PCDH15: variants seen among roughly 807,000 people sequenced by gnomAD.
PCDH15 encodes protocadherin related 15, also known as protocadherin-15.
Under a neutral mutation model 178.5 loss-of-function variants are expected in PCDH15, and 129 were observed. The observed-to-expected ratio is 0.72, with a 90% CI of 0.63 to 0.84. PCDH15 has a LOEUF of 0.84. Among genes scored for constraint, PCDH15 ranks in the 40% least tolerant of loss-of-function variants. The probability of loss-of-function intolerance (pLI) is 0.00; values close to 1 mark genes in which losing one functional copy is unlikely to be tolerated. For synonymous variants in PCDH15, 800 were observed against 732.0 expected, an observed-to-expected ratio of 1.09 and a Z score of -1.50; for missense variants, 2,230 against 2,099.9, an observed-to-expected ratio of 1.06 and a Z score of -1.21.
chr10:54,461,253 T>TTGTA (rs2077147833), intron 3 of PCDH15, among the ~76,000 whole-genome samples: 1 of 152,162 alleles, frequency 6.6e-6, no homozygotes, highest in Non-Finnish European at 1.5e-5. Flanking sequence ...ATTTGTGCTA[T>TTGTA]TGTAGCATTA....
At chr10:54,479,827 A>G (rs1474145680) in intron 3 of PCDH15, among the ~76,000 whole-genome samples, 1 of 152,080 alleles carries the variant, frequency 6.6e-6, no homozygotes, top group African/African-American at 2.4e-5. Flanking sequence ...TTTTCTTACA[A>G]CTGTGAGTGT....
At chr10:53,860,130 G>C (rs897938300) in intron 27 of PCDH15, among the ~76,000 whole-genome samples, 1 of 152,158 alleles carries the variant, frequency 6.6e-6, no homozygotes, top group Non-Finnish European at 1.5e-5. Flanking sequence ...CTCTAGACCT[G>C]ATAAAAAGAA....
chr10:54,752,331 G>C (rs1023076417), intron 1 of PCDH15, among the ~76,000 whole-genome samples: 1 of 151,548 alleles, frequency 6.6e-6, no homozygotes, highest in Non-Finnish European at 1.5e-5. Context: ...CAAAAAATTA[G>C]CCGGGCGTGG....
intron 5 of PCDH15, among the ~76,000 whole-genome samples, chr10:54,347,440 T>G (rs1360673874): frequency 1.3e-5 from 2 of 152,162 alleles, no homozygotes; most frequent in African/African-American, 4.8e-5. Flanking sequence ...CTAAATGCAC[T>G]TCATCAATAA....
chr10:55,362,722 A>T (rs1003513087), intron 2 of PCDH15, among the ~76,000 whole-genome samples: 1 of 150,730 alleles, frequency 6.6e-6, no homozygotes, highest in Non-Finnish European at 1.5e-5. Flanking sequence ...GATTCATGTG[A>T]TTACCACCAC....
intron 2 of PCDH15, among the ~76,000 whole-genome samples, chr10:54,915,052 A>G (rs1180848115): frequency 6.6e-6 from 1 of 152,242 alleles, no homozygotes; most frequent in Admixed American, 6.5e-5. Context: ...ATCAAATTAT[A>G]CAAAACAAAA....
chr10:54,849,445 G>A (rs1194454409), intron 3 of PCDH15, among the ~76,000 whole-genome samples: 1 of 151,980 alleles, frequency 6.6e-6, no homozygotes, highest in Non-Finnish European at 1.5e-5. Flanking sequence ...TTTAATTTAG[G>A]CCATTTTTCA....
chr10:55,332,886 A>C (rs2132312202), intron 2 of PCDH15, among the ~76,000 whole-genome samples: 1 of 152,234 alleles, frequency 6.6e-6, no homozygotes, highest in Admixed American at 6.6e-5. Context: ...CTTCTTTATA[A>C]ATTACCCTGA....
intron 2 of PCDH15, among the ~76,000 whole-genome samples, chr10:55,590,714 G>A (rs1051079883): frequency 1.3e-5 from 2 of 152,072 alleles, no homozygotes; most frequent in African/African-American, 4.8e-5. Flanking sequence ...ACTCTCTAGT[G>A]TTGTCTGACA....
intron 2 of PCDH15, among the ~76,000 whole-genome samples, chr10:54,923,147 C>T (rs1448816624): frequency 7.2e-6 from 1 of 138,472 alleles, no homozygotes; most frequent in South Asian, 2.3e-4. Context: ...GGATTGTACC[C>T]TCTGAAGCAA....
chr10:54,642,460 C>T (rs2094013747), intron 2 of PCDH15, among the ~76,000 whole-genome samples: 1 of 152,160 alleles, frequency 6.6e-6, no homozygotes, highest in Admixed American at 6.6e-5. Flanking sequence ...ATATTATTCC[C>T]TCCATTTAGA....
rs183397761 is a variant in PCDH15 at position 55,503,455 on chromosome 10, G to T, written c.-156+124170C>A. The stretch of plus-strand genomic sequence containing the variant: ...ATGGAATGTTTATTTTGATGTGATG[G>T]AATCTTTATTTATTTTATGTTGATA... On this transcript the variant is annotated intron_variant, in intron 2 of 5. Transcript: ENST00000613346. Among the ~76,000 whole-genome samples, 496 of 149,432 alleles carry T rather than the reference G, an allele frequency of 3.3e-3. 5 individuals are homozygous for T. Among genetic ancestry groups the T allele is most frequent in the Middle Eastern group, 3.6e-3 (1 of 278 alleles).
intron 1 of PCDH15, among the ~76,000 whole-genome samples, chr10:54,744,591 G>A (rs1356292858): frequency 2.6e-5 from 4 of 152,030 alleles, no homozygotes; most frequent in East Asian, 3.9e-4. Context: ...AAAAATTAGA[G>A]TATCGCTGAA....
intron 10 of PCDH15, among the ~76,000 whole-genome samples, chr10:54,196,630 A>G (rs998698535): frequency 2.6e-5 from 4 of 152,298 alleles, no homozygotes; most frequent in African/African-American, 9.6e-5. Flanking sequence ...TTTTACACTA[A>G]TGTTTAAATC....
intron 8 of PCDH15, among the ~76,000 whole-genome samples, chr10:54,287,854 TG>T (rs1432716390): frequency 6.6e-6 from 1 of 152,162 alleles, no homozygotes; most frequent in Non-Finnish European, 1.5e-5. Context: ...CAATCATGAT[TG>T]GGGTGGCATA....
At chr10:53,969,848 C>A (rs912678615) in intron 21 of PCDH15, among the ~76,000 whole-genome samples, 1 of 152,088 alleles carries the variant, frequency 6.6e-6, no homozygotes, top group African/African-American at 2.4e-5. Flanking sequence ...TACAAGAGCT[C>A]CTAAAAGGAA....
At chr10:54,518,328 G>A (rs574207079) in intron 3 of PCDH15, among the ~76,000 whole-genome samples, 3,346 of 151,394 alleles carry the variant, frequency 0.022, 123 homozygotes, top group African/African-American at 0.076. Flanking sequence ...GACTAATAAA[G>A]AAAAAAAGAG....
At chr10:54,548,891 T>G (rs1434808061) in intron 2 of PCDH15, among the ~76,000 whole-genome samples, 1 of 151,204 alleles carries the variant, frequency 6.6e-6, no homozygotes, top group Admixed American at 6.6e-5. Flanking sequence ...TAATTGCTAG[T>G]GCTAGAATTT....
intron 1 of PCDH15, among the ~76,000 whole-genome samples, chr10:54,693,661 C>T (rs928430497): frequency 2.0e-5 from 3 of 152,080 alleles, no homozygotes; most frequent in Non-Finnish European, 4.4e-5. Flanking sequence ...ACACCTTTCC[C>T]TGAAGAAGAA....
Sources: gnomAD v4.1 joint callset for allele counts (sites outside exome capture counted in the v4.1 genomes callset) on GRCh38, gnomAD v4.1.1 for gene constraint, MANE v1.5 for transcripts, NCBI Gene and HGNC (gene_info 2026-07-23, HGNC 2026-07-21) for gene names.